The following RNF128 variants were observed in gnomAD, a reference collection of about 807,000 sequenced individuals.
The protein encoded by RNF128 is ring finger protein 128.
Under a neutral mutation model 26.2 loss-of-function variants are expected in RNF128, and 13 were observed. That is an observed-to-expected ratio of 0.50 (90% CI 0.32 to 0.79). The LOEUF (loss-of-function observed/expected upper bound fraction) is 0.79. RNF128 is among the 30% of genes least tolerant of loss of function. The pLI is 0.03. For synonymous variants in RNF128, 149 were observed against 142.5 expected (o/e 1.05, Z -0.32); for missense variants, 315 against 349.7 (o/e 0.90, Z 0.79).
chrX:106,739,407 C>T (rs1929659379), intron 1 of RNF128, among the ~76,000 whole-genome samples: 1 of 111,357 alleles, frequency 9.0e-6, no homozygotes, highest in African/African-American at 3.3e-5. Context: ...AATCCGCCCA[C>T]CATGGCCTCC....
At chrX:106,706,099 G>A (rs765888495) in intron 1 of RNF128, among the ~76,000 whole-genome samples, 6 of 111,585 alleles carry the variant, frequency 5.4e-5, no homozygotes, top group Non-Finnish European at 9.4e-5. Context: ...ATACCTCCAC[G>A]ACATGGGAGA....
chrX:106,765,966 G>C (rs1181063087), intron 1 of RNF128, among the ~76,000 whole-genome samples: 1 of 107,401 alleles, frequency 9.3e-6, no homozygotes, highest in East Asian at 2.9e-4. Context: ...AGAACATGCG[G>C]TGTTTGGTTT....
At chrX:106,772,249 A>C (rs1930386607) in intron 1 of RNF128, among the ~76,000 whole-genome samples, 1 of 111,944 alleles carries the variant, frequency 8.9e-6, no homozygotes. Flanking sequence ...TGTCTTTAAT[A>C]GGTAGTGAAT....
At chrX:106,788,396 TTATATATAATATATAA>T (rs1930713949) in intron 4 of RNF128, among the ~76,000 whole-genome samples, 1 of 43,315 alleles carries the variant, frequency 2.3e-5, no homozygotes, top group Non-Finnish European at 3.4e-5. Context: ...ATAATATATA[TTATATATAATATATAA>T]TATATAATAT....
chrX:106,700,515 G>C (rs1205716291), intron 1 of RNF128, among the ~76,000 whole-genome samples: 1 of 109,943 alleles, frequency 9.1e-6, no homozygotes, highest in African/African-American at 3.4e-5. Flanking sequence ...TGAAAAGATG[G>C]ACAAGTTGAA....
At position 106,787,939 on chromosome X, in the gene RNF128, A is replaced by G. The variant is rs149774042; in HGVS notation, c.826A>G (p.Ser276Gly). The G allele has an allele frequency of 1.2e-5, 14 of 1,192,239 alleles. No individual in the cohort carries two copies. The highest frequency in any genetic ancestry group is 1.5e-5 in the Non-Finnish European group (13 of 885,905). The change falls in exon 4 of 7, where the codon AGT becomes GGT. Residue 276 changes from serine (S) to glycine (G), a missense_variant. By Grantham distance (56) the Ser-to-Gly change is moderately conservative (BLOSUM62 0). Transcript: ENST00000255499. ...GDKEIGPDGD[S>G]CAVCIELYKP... ...GTAGGAAATTGGCCCTGATGGAGAT[A>G]GTTGTGCTGTGTGCATTGAATTGTA...
At chrX:106,697,015 T>C (rs182274694) in intron 1 of RNF128, among the ~76,000 whole-genome samples, 8 of 111,584 alleles carry the variant, frequency 7.2e-5, no homozygotes, top group Admixed American at 3.8e-4. Flanking sequence ...TCTTGGGATA[T>C]GGGACTCTTA....
chrX:106,775,923 C>A (rs779755817), intron 2 of RNF128, among the ~76,000 whole-genome samples: 1 of 111,832 alleles, frequency 8.9e-6, no homozygotes, highest in South Asian at 3.7e-4. Flanking sequence ...ACCATAAATT[C>A]TGATGACTGA....
At chrX:106,717,595 A>G (rs1411941018) in intron 1 of RNF128, among the ~76,000 whole-genome samples, 2 of 112,213 alleles carry the variant, frequency 1.8e-5, no homozygotes, top group African/African-American at 6.5e-5. Flanking sequence ...AGACAGCAGA[A>G]GCTCTAAGAA....
exon 1 of RNF128, chrX:106,693,947 C>A: frequency 9.4e-7 from 1 of 1,067,123 alleles, no homozygotes; most frequent in Non-Finnish European, 1.3e-6. Context: ...ACAATGGTGA[C>A]TGATAGTTGG....
At chrX:106,769,291 T>C (rs1432628929) in intron 1 of RNF128, among the ~76,000 whole-genome samples, 1 of 111,263 alleles carries the variant, frequency 9.0e-6, no homozygotes, top group Non-Finnish European at 1.9e-5. Context: ...GTCTCGTTGA[T>C]CTGTCTAATG....
intron 2 of RNF128, among the ~76,000 whole-genome samples, chrX:106,778,008 C>T (rs959469027): frequency 2.7e-5 from 3 of 111,745 alleles, no homozygotes; most frequent in African/African-American, 9.8e-5. Flanking sequence ...TTCTTAATAA[C>T]ATTTTCTTTT....
chrX:106,783,172 G>T (rs12857939), intron 2 of RNF128, among the ~76,000 whole-genome samples: 1 of 111,316 alleles, frequency 9.0e-6, no homozygotes, highest in Non-Finnish European at 1.9e-5. Flanking sequence ...TGACAGCAAA[G>T]AAATACTTTG....
intron 1 of RNF128, among the ~76,000 whole-genome samples, chrX:106,713,434 G>A (rs1405061294): frequency 9.0e-6 from 1 of 110,787 alleles, no homozygotes; most frequent in Admixed American, 9.5e-5. Flanking sequence ...TTGAGCCCAT[G>A]AGGTGGAGGT....
At chrX:106,775,141 C>T (rs1448756644) in intron 2 of RNF128, among the ~76,000 whole-genome samples, 1 of 111,830 alleles carries the variant, frequency 8.9e-6, no homozygotes, top group Non-Finnish European at 1.9e-5. Flanking sequence ...GTTTAAAATT[C>T]CTGTACCAGG....
chrX:106,713,780 C>G (rs1360583919), intron 1 of RNF128, among the ~76,000 whole-genome samples: 2 of 111,550 alleles, frequency 1.8e-5, no homozygotes, highest in Non-Finnish European at 3.8e-5. Flanking sequence ...AAGGTCCATA[C>G]AACTCCTTGA....
At position 106,795,842 on chromosome X, in the gene RNF128, A is replaced by G. The variant is rs891733624; in HGVS notation, c.*129A>G. On this transcript the variant is annotated 3_prime_UTR_variant, in exon 7 of 7. Transcript: ENST00000255499. ...TACTGAAAGTGCTCAGATGACTAAT[A>G]TTATGCTATAGTTAAATGGCTTAAA... is the stretch of plus-strand genomic sequence containing the variant. 29 of 491,835 alleles carry G rather than the reference A, an allele frequency of 5.9e-5. No homozygotes were observed. The highest frequency in any genetic ancestry group is 9.0e-5 in the Non-Finnish European group (29 of 321,474). 40.5% of individuals were successfully genotyped at this position (491,835 alleles called of 1,213,427 possible).
chrX:106,756,128 G>A (rs1167079902), intron 1 of RNF128, among the ~76,000 whole-genome samples: 1 of 111,545 alleles, frequency 9.0e-6, no homozygotes, highest in Non-Finnish European at 1.9e-5. Context: ...TCATGGGTAG[G>A]AAGAATCAAT....
At chrX:106,741,023 C>T (rs1437987635) in intron 1 of RNF128, among the ~76,000 whole-genome samples, 2 of 111,082 alleles carry the variant, frequency 1.8e-5, no homozygotes, top group South Asian at 7.6e-4. Flanking sequence ...CTCTAGAAAA[C>T]ATAAATAAAT....
Sources: allele counts gnomAD v4.1 joint callset (sites outside exome capture counted in the v4.1 genomes callset), GRCh38; gene constraint gnomAD v4.1.1; transcripts MANE v1.5; gene names NCBI Gene and HGNC (gene_info 2026-07-23, HGNC 2026-07-21).